The following IQCM variants were observed in gnomAD, a reference collection of about 807,000 sequenced individuals.
IQCM encodes the protein IQ motif containing M.
IQCM carries 45 observed loss-of-function variants against 57.6 expected under a neutral mutation model. The ratio of observed to expected loss-of-function variants is 0.78; its 90% CI spans 0.62 to 1.00. IQCM has a LOEUF of 1.00. IQCM is among the 50% of genes least tolerant of loss of function. The pLI is 0.00. For synonymous variants in IQCM, 148 were observed against 158.9 expected (o/e 0.93, Z 0.51); for missense variants, 468 against 511.6 (o/e 0.91, Z 0.82).
At chr4:149,734,447 C>T (rs146181159) in intron 4 of IQCM, among the ~76,000 whole-genome samples, 49 of 152,108 alleles carry the variant, frequency 3.2e-4, no homozygotes, top group African/African-American at 1.1e-3. Flanking sequence ...TTAAGCAATG[C>T]GTACAATGTT....
In IQCM at chr4:149,412,064, GTT is replaced by G. The variant is rs1469549251; in HGVS notation, c.1390+21330_1390+21331del. 1.2e-3 allele frequency among the ~76,000 whole-genome samples: 154 copies of G among 123,992 alleles called. 4 individuals carry two copies. The South Asian group carries it at 0.037, about 30-fold the overall frequency. 81.3% of individuals were successfully genotyped at this position (123,992 alleles called of 152,430 possible). A position where few individuals can be genotyped will look rare whatever the true frequency, so the allele number is the denominator to read the frequency against. On this transcript the variant is annotated intron_variant, in intron 13 of 13. Coordinates refer to ENST00000636793, the MANE Select transcript of IQCM (RefSeq NM_001363507.2). ...AAAACATGTAACATTTAGTGTGTGT[GTT>G]TGTGTGTGTGTGTGTGTGTGTGTGT...
At chr4:149,605,262 G>T (rs1448193073) in intron 8 of IQCM, among the ~76,000 whole-genome samples, 1 of 152,074 alleles carries the variant, frequency 6.6e-6, no homozygotes, top group East Asian at 1.9e-4. Context: ...CTGAAAATAG[G>T]TATTAAGAGT....
chr4:149,581,508 G>C (rs999380217), intron 9 of IQCM, among the ~76,000 whole-genome samples: 1 of 151,330 alleles, frequency 6.6e-6, no homozygotes, highest in Admixed American at 6.6e-5. Context: ...AGAAAGAACA[G>C]GAAGGAAGGA....
intron 12 of IQCM, among the ~76,000 whole-genome samples, chr4:149,543,600 G>A (rs1411196029): frequency 2.0e-5 from 3 of 148,262 alleles, no homozygotes; most frequent in Non-Finnish European, 4.5e-5. Context: ...GGGGAGGGGA[G>A]AGGGATAGCA....
chr4:149,362,039 C>A lies in IQCM; in HGVS notation c.1391-9973G>T, dbSNP rs1020968681. 1.3e-5 allele frequency among the ~76,000 whole-genome samples: 2 copies of A among 152,204 alleles called. 1 individual carries two copies. The highest frequency in any genetic ancestry group is 3.9e-4 in the East Asian group (2 of 5,158). Reference sequence around the variant, plus strand: ...CATCACCATGACCTGGAGGTGAGACCTGGAGTCAAAGGAGATAATTTTGGA... The same window carrying A: ...CATCACCATGACCTGGAGGTGAGACATGGAGTCAAAGGAGATAATTTTGGA... On this transcript the variant is annotated intron_variant, in intron 13 of 13. Transcript: ENST00000636793.
At position 149,358,240 on chromosome 4, in the gene IQCM, G is replaced by T. The variant is rs1055354025; in HGVS notation, c.1391-6174C>A. On this transcript the variant is annotated intron_variant, in intron 13 of 13. Coordinates refer to ENST00000636793, the MANE Select transcript of IQCM (RefSeq NM_001363507.2). The stretch of plus-strand genomic sequence containing the variant: ...TTTCAAAGGGTTTTTTGTGTCTCTA[G>T]TTCCTTCAGTTCTGCTCTGATCTTA... Among the ~76,000 whole-genome samples, 6 of 151,962 alleles carry T rather than the reference G, an allele frequency of 3.9e-5. No individual in the cohort carries two copies. The East Asian group carries it at 1.2e-3, about 29-fold the overall frequency.
intron 13 of IQCM, among the ~76,000 whole-genome samples, chr4:149,401,200 T>C (rs1378267774): frequency 6.6e-6 from 1 of 151,776 alleles, no homozygotes; most frequent in Non-Finnish European, 1.5e-5. Flanking sequence ...ATGTTACAGA[T>C]GTCTAAGGCA....
chr4:149,684,214 T>A (rs1310709970), intron 6 of IQCM, among the ~76,000 whole-genome samples: 2 of 151,336 alleles, frequency 1.3e-5, no homozygotes, highest in African/African-American at 4.8e-5. Context: ...ACTGAAGAAC[T>A]TTACCTTCTT....
At chr4:149,503,628 T>A in intron 12 of IQCM, among the ~76,000 whole-genome samples, 1 of 152,152 alleles carries the variant, frequency 6.6e-6, no homozygotes. Flanking sequence ...TATTTTTCTA[T>A]AAATTTTTTT....
intron 12 of IQCM, among the ~76,000 whole-genome samples, chr4:149,470,503 G>C (rs1378450693): frequency 6.6e-6 from 1 of 152,080 alleles, no homozygotes; most frequent in South Asian, 2.1e-4. Flanking sequence ...AAGAGACTTA[G>C]ACTCCCACAC....
chr4:149,416,663 T>TA (rs1165038232), intron 13 of IQCM, among the ~76,000 whole-genome samples: 10 of 152,068 alleles, frequency 6.6e-5, no homozygotes, highest in Admixed American at 6.6e-4. Flanking sequence ...AGGTAAGAGT[T>TA]ACTTCATGAA....
At chr4:149,452,735 A>G (rs2111415668) in intron 12 of IQCM, among the ~76,000 whole-genome samples, 1 of 151,764 alleles carries the variant, frequency 6.6e-6, no homozygotes, top group Middle Eastern at 3.4e-3. Flanking sequence ...TCTCTTTATT[A>G]TCGTTATTGG....
intron 13 of IQCM, among the ~76,000 whole-genome samples, chr4:149,393,102 G>A (rs1391456314): frequency 6.6e-6 from 1 of 151,960 alleles, no homozygotes; most frequent in African/African-American, 2.4e-5. Flanking sequence ...ATGAGCCCAG[G>A]AATTTAAGGC....
chr4:149,415,382 A>T (rs1431937712), intron 13 of IQCM, among the ~76,000 whole-genome samples: 1 of 152,156 alleles, frequency 6.6e-6, no homozygotes, highest in Non-Finnish European at 1.5e-5. Context: ...TACTATGCAA[A>T]ATGAAAAAGA....
At chr4:149,584,138 G>A (rs1035631817) in intron 9 of IQCM, among the ~76,000 whole-genome samples, 3 of 151,422 alleles carry the variant, frequency 2.0e-5, no homozygotes, top group African/African-American at 7.3e-5. Flanking sequence ...TTAAAAAACA[G>A]AAAAATGTTC....
At chr4:149,589,618 G>T (rs771280741) in intron 8 of IQCM, among the ~76,000 whole-genome samples, 2 of 151,884 alleles carry the variant, frequency 1.3e-5, no homozygotes, top group Non-Finnish European at 2.9e-5. Flanking sequence ...TCATTTCATG[G>T]CATTCATTTC....
intron 12 of IQCM, among the ~76,000 whole-genome samples, chr4:149,438,372 A>G (rs1219429830): frequency 2.6e-5 from 4 of 152,124 alleles, no homozygotes; most frequent in Non-Finnish European, 4.4e-5. Flanking sequence ...TTAAATTGCT[A>G]ATGCATCCTT....
chr4:149,433,281 T>C (rs1348760059), intron 13 of IQCM, 115 bp downstream of exon 13: 2 of 487,440 alleles, frequency 4.1e-6, no homozygotes, highest in East Asian at 7.3e-5. Flanking sequence ...AAAGAGAACA[T>C]TCTATAAGAT....
chr4:149,453,340 G>C (rs2111421176), intron 12 of IQCM, among the ~76,000 whole-genome samples: 1 of 151,504 alleles, frequency 6.6e-6, no homozygotes, highest in East Asian at 1.9e-4. Flanking sequence ...AATGACAAAA[G>C]ACAAAAACTC....
Sources: allele counts gnomAD v4.1 joint callset (sites outside exome capture counted in the v4.1 genomes callset), GRCh38; gene constraint gnomAD v4.1.1; transcripts MANE v1.5; gene names NCBI Gene and HGNC (gene_info 2026-07-23, HGNC 2026-07-21).